Variants in LRRK2 observed in about 807,000 individuals in gnomAD.
LRRK2 encodes leucine-rich repeat serine/threonine-protein kinase 2.
In LRRK2, 203 loss-of-function variants were observed where a neutral mutation model predicts 302.6. The ratio of observed to expected loss-of-function variants is 0.67; its 90% CI spans 0.60 to 0.75. The LOEUF (loss-of-function observed/expected upper bound fraction) is 0.75. LRRK2 is among the 30% of genes least tolerant of loss of function. The pLI is 0.00. For missense variants in LRRK2, 2,830 were observed against 2,951.0 expected (o/e 0.96, Z 0.95); for synonymous variants, 1,066 against 1,031.9 (o/e 1.03, Z -0.63).
intron 31 of LRRK2, among the ~76,000 whole-genome samples, chr12:40,312,309 A>G (rs1344004160): frequency 6.6e-6 from 1 of 152,164 alleles, no homozygotes; most frequent in Non-Finnish European, 1.5e-5. Flanking sequence ...AGAAAAGTAT[A>G]TATTGCTAAT....
chr12:40,333,082 C>T (rs1387590477), intron 39 of LRRK2, among the ~76,000 whole-genome samples: 1 of 151,744 alleles, frequency 6.6e-6, no homozygotes, highest in African/African-American at 2.4e-5. Flanking sequence ...TTTTTCTTTG[C>T]AATTAGTGAG....
At chr12:40,240,380 C>G (rs1424439829) in intron 5 of LRRK2, 103 bp from the exon 6 acceptor site, 5 of 1,021,838 alleles carry the variant, frequency 4.9e-6, no homozygotes, top group Non-Finnish European at 6.0e-6. Context: ...GGAGATTACA[C>G]TTGATGTATC....
In LRRK2 at chr12:40,314,112, A is replaced by T. The variant is rs1945128026; in HGVS notation, c.4677A>T (p.Glu1559Asp). The T allele has an allele frequency of 1.2e-6, 2 of 1,612,680 alleles. No homozygotes were observed. The highest frequency in any genetic ancestry group is 3.3e-5 in the Admixed American group (2 of 59,894). Residue 1559 changes from glutamate to aspartate, a missense_variant, in exon 32 of 51, where the codon GAA becomes GAT. Coordinates refer to ENST00000298910, the MANE Select transcript of LRRK2 (RefSeq NM_198578.4). ...DRKRLLQLVR[E>D]NQLQLDENEL... Reference sequence around the variant, plus strand: ...AACGATTATTACAACTAGTGAGAGAAAATCAGCTGCAGTTAGATGAAAATG... The same window carrying T: ...AACGATTATTACAACTAGTGAGAGATAATCAGCTGCAGTTAGATGAAAATG...
At chr12:40,264,490 G>A (rs966479726) in intron 14 of LRRK2, among the ~76,000 whole-genome samples, 7 of 152,070 alleles carry the variant, frequency 4.6e-5, no homozygotes, top group South Asian at 2.1e-4. Flanking sequence ...ATGGTGGCAC[G>A]TGCCTGTAAT....
At chr12:40,286,850 A>G (rs1943944156) in intron 19 of LRRK2, among the ~76,000 whole-genome samples, 1 of 152,078 alleles carries the variant, frequency 6.6e-6, no homozygotes, top group African/African-American at 2.4e-5. Flanking sequence ...AGTCATAATG[A>G]ATCACTCAGC....
At chr12:40,346,034 G>C (rs1434918509) in intron 41 of LRRK2, among the ~76,000 whole-genome samples, 1 of 152,044 alleles carries the variant, frequency 6.6e-6, no homozygotes, top group East Asian at 1.9e-4. Context: ...CTTTGTGATT[G>C]GATGTCTTTA....
intron 14 of LRRK2, among the ~76,000 whole-genome samples, 164 bp downstream of exon 14, chr12:40,264,065 A>G (rs1359059608): frequency 6.6e-6 from 1 of 152,174 alleles, no homozygotes; most frequent in African/African-American, 2.4e-5. Context: ...GTGGGAAGTG[A>G]AAAGATATGT....
intron 22 of LRRK2, 105 bp downstream of exon 22, chr12:40,295,019 C>G: frequency 1.4e-6 from 1 of 701,510 alleles, no homozygotes; most frequent in Admixed American, 2.3e-5. Flanking sequence ...CCAGTTTCAT[C>G]TTACATAATC....
chr12:40,259,414 A>C, intron 12 of LRRK2, 66 bp from the exon 13 acceptor site: 1 of 1,601,100 alleles, frequency 6.2e-7, no homozygotes, highest in South Asian at 1.1e-5. Context: ...TACTTATTTC[A>C]ATTTGGTGTT....
intron 39 of LRRK2, among the ~76,000 whole-genome samples, chr12:40,333,994 T>A (rs1945794017): frequency 6.6e-6 from 1 of 152,110 alleles, no homozygotes; most frequent in African/African-American, 2.4e-5. Flanking sequence ...GCCGTGGAAG[T>A]AGATGGGATT....
At chr12:40,307,903 T>C (rs971607121) in intron 28 of LRRK2, among the ~76,000 whole-genome samples, 1 of 148,532 alleles carries the variant, frequency 6.7e-6, no homozygotes, top group Non-Finnish European at 1.5e-5. Flanking sequence ...TGCCTCAACC[T>C]CCCAAGTAGC....
Position 40,304,098 on chromosome 12 carries a change from A to G in LRRK2, c.3741A>G (p.Val1247=), listed in dbSNP as rs759427195. The change falls in exon 27 of 51, where the codon GTA becomes GTG. Residue 1247 remains valine (V), a synonymous_variant. Transcript: ENST00000298910. ...AAAAAGCATATTTATGGTCTAGAGT[A>G]GAGAAACTGCATCTTTCTCACAATA... The part of the protein sequence containing the change: ...LSEKAYLWSR[V]EKLHLSHNKL... The G allele has an allele frequency of 1.2e-5, 19 of 1,613,218 alleles. No individual in the cohort carries two copies. The Admixed American group carries it at 3.2e-4, about 27-fold the overall frequency.
chr12:40,269,246 G>A lies in LRRK2; in HGVS notation c.1657-5337G>A, dbSNP rs149161135. On this transcript the variant is annotated intron_variant, in intron 14 of 50. Transcript: ENST00000298910. The stretch of plus-strand genomic sequence containing the variant: ...GGCATGATTCGTAATTAAAAATGTG[G>A]CAACAAACTAAATGCTTACATGGTA... Among the ~76,000 whole-genome samples the A allele has an allele frequency of 5.7e-3, 870 of 152,256 alleles. 2 individuals carry two copies. The highest frequency in any genetic ancestry group is 9.0e-3 in the Non-Finnish European group (609 of 68,012).
intron 3 of LRRK2, among the ~76,000 whole-genome samples, chr12:40,235,241 C>T (rs550306156): frequency 3.3e-4 from 50 of 152,206 alleles, no homozygotes; most frequent in African/African-American, 1.2e-3. Context: ...GAGGCCAAGG[C>T]AGGAGGATCA....
chr12:40,232,832 A>G (rs1941264635), intron 3 of LRRK2: 1 of 153,722 alleles, frequency 6.5e-6, no homozygotes, highest in African/African-American at 2.4e-5. Context: ...ATATTCCTAT[A>G]TATACAGTAA....
intron 20 of LRRK2, 80 bp from the exon 21 acceptor site, chr12:40,293,465 T>C: frequency 1.1e-6 from 1 of 873,636 alleles, no homozygotes; most frequent in South Asian, 1.4e-5. Context: ...TCTTCCATGA[T>C]TGAACTATGA....
chr12:40,230,096 G>C (rs74883359), intron 2 of LRRK2, among the ~76,000 whole-genome samples: 1 of 150,974 alleles, frequency 6.6e-6, no homozygotes, highest in African/African-American at 2.4e-5. Context: ...GATTGTCAAC[G>C]TCTGTTCAGC....
intron 14 of LRRK2, among the ~76,000 whole-genome samples, chr12:40,266,751 C>T (rs549770473): frequency 6.6e-6 from 1 of 151,838 alleles, no homozygotes; most frequent in African/African-American, 2.4e-5. Context: ...TGGAACCAAC[C>T]CAAATGTCCA....
Position 40,320,386 on chromosome 12 carries a change from G to A in LRRK2, c.5015+211G>A, listed in dbSNP as rs10748030. Among the ~76,000 whole-genome samples, 86,100 of 151,828 alleles carry A rather than the reference G, an allele frequency of 0.57. 24,551 individuals carry two copies. Among genetic ancestry groups the A allele is most frequent in the South Asian group, 0.7 (3,354 of 4,820 alleles). ...ATATAGTAAATCACTTACTTTATGT[G>A]TATAGTTACTAGTTGGCTTATCACT... On this transcript the variant is annotated intron_variant, in intron 34 of 50. Transcript: ENST00000298910.
Sources: allele counts gnomAD v4.1 joint callset (sites outside exome capture counted in the v4.1 genomes callset), GRCh38; gene constraint gnomAD v4.1.1; transcripts MANE v1.5; gene names NCBI Gene and HGNC (gene_info 2026-07-23, HGNC 2026-07-21).